SOX5: variants seen among roughly 807,000 people sequenced by gnomAD.
SOX5 encodes the protein SRY-box transcription factor 5, also known as transcription factor SOX-5.
SOX5 carries 9 observed loss-of-function variants against 92.0 expected under a neutral mutation model. The observed-to-expected ratio is 0.10, with a 90% CI of 0.06 to 0.17. The LOEUF (loss-of-function observed/expected upper bound fraction) is 0.17, where lower values mean the gene tolerates loss of function less well. Ranked by LOEUF, SOX5 falls within the 10% of genes least tolerant of loss-of-function variation. The pLI is 1.00. For missense variants in SOX5, 642 were observed against 944.5 expected, an observed-to-expected ratio of 0.68 and a Z score of 4.20; for synonymous variants, 344 against 336.3, an observed-to-expected ratio of 1.02 and a Z score of -0.25.
At chr12:23,875,190 A>T (rs918876676) in intron 2 of SOX5, among the ~76,000 whole-genome samples, 1 of 152,204 alleles carries the variant, frequency 6.6e-6, no homozygotes, top group African/African-American at 2.4e-5. Flanking sequence ...ACGAAGCAGG[A>T]AGTTTTTCTT....
chr12:24,354,921 C>A (rs1002886116), intron 2 of SOX5, among the ~76,000 whole-genome samples: 4 of 152,032 alleles, frequency 2.6e-5, no homozygotes, highest in Non-Finnish European at 5.9e-5. Flanking sequence ...AGGGGAGATT[C>A]TTTGACTTTT....
At chr12:23,992,036 C>T (rs557348433) in intron 4 of SOX5, among the ~76,000 whole-genome samples, 1 of 151,916 alleles carries the variant, frequency 6.6e-6, no homozygotes, top group Non-Finnish European at 1.5e-5. Context: ...TCATCAGTAG[C>T]AAAAACAAAA....
chr12:24,189,952 T>C (rs777791611), intron 4 of SOX5, among the ~76,000 whole-genome samples: 1 of 152,184 alleles, frequency 6.6e-6, no homozygotes, highest in Non-Finnish European at 1.5e-5. Context: ...GGCTTCTATG[T>C]GGCAGAATGA....
chr12:24,241,161 G>C (rs1025807952), intron 3 of SOX5, among the ~76,000 whole-genome samples: 3 of 152,110 alleles, frequency 2.0e-5, no homozygotes, highest in Non-Finnish European at 4.4e-5. Flanking sequence ...TTATAAGTCA[G>C]TCATATTGTC....
At chr12:23,654,886 T>C (rs1039121078) in intron 7 of SOX5, among the ~76,000 whole-genome samples, 2 of 152,004 alleles carry the variant, frequency 1.3e-5, no homozygotes, top group South Asian at 2.1e-4. Context: ...TTTGACTATA[T>C]AGATATTTTA....
intron 3 of SOX5, among the ~76,000 whole-genome samples, chr12:24,275,658 T>C (rs2140360583): frequency 6.6e-6 from 1 of 152,256 alleles, no homozygotes; most frequent in East Asian, 1.9e-4. Flanking sequence ...AAAAGAAATA[T>C]AAAATTTTAT....
intron 7 of SOX5, among the ~76,000 whole-genome samples, chr12:23,653,198 C>T (rs963040968): frequency 4.6e-5 from 7 of 152,012 alleles, no homozygotes; most frequent in African/African-American, 1.7e-4. Flanking sequence ...GTACTACTCA[C>T]TTGTCACTTC....
At chr12:23,538,585 T>C (rs995580812) in intron 13 of SOX5, among the ~76,000 whole-genome samples, 1 of 152,158 alleles carries the variant, frequency 6.6e-6, no homozygotes, top group African/African-American at 2.4e-5. Flanking sequence ...CAGATATGGT[T>C]ATGATCCTAT....
At position 24,118,034 on chromosome 12, in the gene SOX5, A is replaced by AG. The variant is rs1233845061; in HGVS notation, c.-2+95308_-2+95309insC. 6.1e-3 allele frequency among the ~76,000 whole-genome samples: 912 copies of AG among 149,454 alleles called. 11 individuals are homozygous for AG. The highest frequency in any genetic ancestry group is 0.022 in the African/African-American group (864 of 39,480). ...ACTCTCATTCAAAAAAAAAAAAAAA[A>AG]AAAAGAAAAAAAAAATCTGTCTCAC... On this transcript the variant is annotated intron_variant, in intron 4 of 4. Transcript: ENST00000446891.
chr12:23,633,949 G>A (rs1203844948), intron 8 of SOX5, among the ~76,000 whole-genome samples: 2 of 152,056 alleles, frequency 1.3e-5, no homozygotes, highest in African/African-American at 4.8e-5. Flanking sequence ...CACTGTTATG[G>A]TAAGATAAAG....
At position 23,963,713 on chromosome 12, in the gene SOX5, G is replaced by A. The variant is rs1591844495; in HGVS notation, c.-1-67689C>T. On this transcript the variant is annotated intron_variant, in intron 4 of 4. Coordinates refer to the SOX5 transcript ENST00000446891. ...CATTCTATACAATGGATAGTTTTTG[G>A]ATTAGGGGTCCTGAGTCTAGTATAC... 2.1e-5 allele frequency among the ~76,000 whole-genome samples: 3 copies of A among 142,600 alleles called. No homozygotes were observed. In the South Asian group the frequency reaches 7.1e-4, roughly 34 times the overall value. The allele number at this position is 142,600 out of a possible 152,430, so 93.6% of individuals were successfully genotyped here.
intron 4 of SOX5, among the ~76,000 whole-genome samples, chr12:24,091,828 T>A (rs1944692438): frequency 6.6e-6 from 1 of 152,062 alleles, no homozygotes; most frequent in Admixed American, 6.6e-5. Flanking sequence ...TTCTAACTAT[T>A]CTCTTCCATT....
intron 1 of SOX5, among the ~76,000 whole-genome samples, chr12:24,458,504 T>C (rs933362794): frequency 1.3e-5 from 2 of 152,128 alleles, no homozygotes; most frequent in South Asian, 4.1e-4. Flanking sequence ...AAAATCCTGA[T>C]ACCCGGCCAC....
At chr12:24,050,058 G>A (rs1223840555) in intron 4 of SOX5, among the ~76,000 whole-genome samples, 1 of 113,870 alleles carries the variant, frequency 8.8e-6, no homozygotes, top group African/African-American at 3.3e-5. Flanking sequence ...TTCTTTCAAT[G>A]CTTTCACATG....
chr12:23,617,929 C>T (rs886109939), intron 8 of SOX5, among the ~76,000 whole-genome samples: 1 of 152,174 alleles, frequency 6.6e-6, no homozygotes, highest in Non-Finnish European at 1.5e-5. Flanking sequence ...AAGCCATCTT[C>T]GTGTACTGCA....
chr12:23,746,454 C>T (rs1322489590), intron 4 of SOX5, among the ~76,000 whole-genome samples: 1 of 152,118 alleles, frequency 6.6e-6, no homozygotes, highest in Non-Finnish European at 1.5e-5. Flanking sequence ...TAGCTAATGT[C>T]ATGAGTTCAC....
chr12:23,660,704 TA>T (rs34663379), intron 7 of SOX5, among the ~76,000 whole-genome samples: 11,671 of 148,674 alleles, frequency 0.079, 526 homozygotes, highest in Non-Finnish European at 0.1. Context: ...ACTTCCAGGT[TA>T]AAAAAAAAAA....
At chr12:23,903,581 T>C (rs753746922) in intron 1 of SOX5, among the ~76,000 whole-genome samples, 3 of 152,186 alleles carry the variant, frequency 2.0e-5, no homozygotes, top group Non-Finnish European at 4.4e-5. Flanking sequence ...AGACCCTGTC[T>C]CAAAAAAAAC....
rs142733852 is a variant in SOX5, at chr12:24,087,352, G to A, written c.-2+125991C>T. On this transcript the variant is annotated intron_variant, in intron 4 of 4. Transcript: ENST00000446891. ...TCATTTGTGACATCCACTGTTACAC[G>A]TACATTCAAAGGAATAATAATAATT... Among the ~76,000 whole-genome samples, 27 of 152,022 alleles carry A rather than the reference G, an allele frequency of 1.8e-4. No homozygotes were observed. In the East Asian group the frequency reaches 2.5e-3, roughly 14 times the overall value.
Sources: gnomAD v4.1 joint callset for allele counts (sites outside exome capture counted in the v4.1 genomes callset) on GRCh38, gnomAD v4.1.1 for gene constraint, MANE v1.5 for transcripts, NCBI Gene and HGNC (gene_info 2026-07-23, HGNC 2026-07-21) for gene names.